ACOXL: variants seen among roughly 807,000 people sequenced by gnomAD.
The protein encoded by ACOXL is acyl-CoA oxidase like.
In ACOXL, 70 loss-of-function variants were observed where a neutral mutation model predicts 71.9. The ratio of observed to expected loss-of-function variants is 0.97; its 90% CI spans 0.80 to 1.19. ACOXL has a LOEUF of 1.19. Ranked by LOEUF, ACOXL falls within the 50% of genes most tolerant of loss-of-function variation. The pLI, the probability that ACOXL is intolerant of heterozygous loss-of-function variation, is 0.00. For missense variants in ACOXL, 703 were observed against 736.3 expected, an observed-to-expected ratio of 0.95 and a Z score of 0.52; for synonymous variants, 253 against 281.6, an observed-to-expected ratio of 0.90 and a Z score of 1.02.
chr2:110,866,576 G>T (rs575577430), intron 10 of ACOXL, among the ~76,000 whole-genome samples: 71 of 152,246 alleles, frequency 4.7e-4, no homozygotes, highest in African/African-American at 1.7e-3. Flanking sequence ...CAAAAGAGCC[G>T]CTTTGGAAGA....
At chr2:110,775,724 C>A (rs1382262132) in intron 2 of ACOXL, among the ~76,000 whole-genome samples, 5 of 151,270 alleles carry the variant, frequency 3.3e-5, no homozygotes, top group South Asian at 2.1e-4. Flanking sequence ...TGGTTATTAT[C>A]AAAAAAAACA....
chr2:111,084,739 A>G (rs893605059), intron 16 of ACOXL, among the ~76,000 whole-genome samples: 1 of 152,190 alleles, frequency 6.6e-6, no homozygotes, highest in Non-Finnish European at 1.5e-5. Flanking sequence ...TTAAATGTAA[A>G]TGGACTAAAT....
At chr2:110,900,314 A>G (rs2059184208) in intron 10 of ACOXL, among the ~76,000 whole-genome samples, 1 of 152,178 alleles carries the variant, frequency 6.6e-6, no homozygotes, top group African/African-American at 2.4e-5. Flanking sequence ...TTTTTGGGGA[A>G]AATTTAAAAT....
chr2:110,764,474 G>C (rs1231361824), intron 1 of ACOXL, among the ~76,000 whole-genome samples: 1 of 152,180 alleles, frequency 6.6e-6, no homozygotes, highest in Non-Finnish European at 1.5e-5. Flanking sequence ...AAACTATGGA[G>C]ACAGTAAAAA....
intron 1 of ACOXL, among the ~76,000 whole-genome samples, chr2:110,750,713 T>G (rs1344916269): frequency 6.6e-6 from 1 of 151,138 alleles, no homozygotes; most frequent in Non-Finnish European, 1.5e-5. Context: ...AATTTTTTTT[T>G]TGAGACAGGA....
chr2:110,818,522 T>C (rs1293940644), intron 9 of ACOXL, among the ~76,000 whole-genome samples: 1 of 6,850 alleles, frequency 1.5e-4, no homozygotes, highest in East Asian at 0.1. Context: ...TGTGTATGTG[T>C]GTATATATAT....
At chr2:110,806,816 G>A (rs567237344) in intron 9 of ACOXL, among the ~76,000 whole-genome samples, 1 of 152,310 alleles carries the variant, frequency 6.6e-6, no homozygotes, top group East Asian at 1.9e-4. Flanking sequence ...GATGTGTGAA[G>A]GACGTCCATG....
intron 12 of ACOXL, among the ~76,000 whole-genome samples, chr2:110,936,312 C>T (rs575002486): frequency 6.6e-6 from 1 of 152,232 alleles, no homozygotes; most frequent in South Asian, 2.1e-4. Context: ...GTCACCCAAG[C>T]TGAAGTGTAG....
At chr2:110,912,912 A>G (rs762119407) in intron 11 of ACOXL, among the ~76,000 whole-genome samples, 40 of 152,216 alleles carry the variant, frequency 2.6e-4, no homozygotes, top group Admixed American at 2.2e-3. Flanking sequence ...CAATTCAACA[A>G]TAAAATGACA....
At chr2:110,971,105 C>G (rs1331635264) in intron 12 of ACOXL, among the ~76,000 whole-genome samples, 1 of 151,992 alleles carries the variant, frequency 6.6e-6, no homozygotes, top group Non-Finnish European at 1.5e-5. Flanking sequence ...ATATAAAGAC[C>G]TCTCAAAACT....
At chr2:110,856,903 T>C (rs778955071) in intron 10 of ACOXL, among the ~76,000 whole-genome samples, 28 of 152,378 alleles carry the variant, frequency 1.8e-4, no homozygotes, top group Non-Finnish European at 3.5e-4. Flanking sequence ...CATTGATTTT[T>C]CTAAGACTCA....
At chr2:111,055,832 G>A (rs2066506604) in intron 16 of ACOXL, among the ~76,000 whole-genome samples, 1 of 152,208 alleles carries the variant, frequency 6.6e-6, no homozygotes, top group African/African-American at 2.4e-5. Context: ...AGGTAATAAA[G>A]AGTGGCAGAT....
intron 9 of ACOXL, among the ~76,000 whole-genome samples, chr2:110,835,729 CG>C (rs1690375145): frequency 6.6e-6 from 1 of 152,216 alleles, no homozygotes; most frequent in East Asian, 1.9e-4. Context: ...GTCAGTACCA[CG>C]CAGGTTGCTC....
intron 11 of ACOXL, among the ~76,000 whole-genome samples, chr2:110,912,691 G>A (rs769489244): frequency 6.6e-6 from 1 of 152,088 alleles, no homozygotes; most frequent in African/African-American, 2.4e-5. Flanking sequence ...CTGTAGGTTA[G>A]GCAGTGGTTT....
At chr2:110,969,121 G>C (rs1374020775) in intron 12 of ACOXL, among the ~76,000 whole-genome samples, 1 of 152,126 alleles carries the variant, frequency 6.6e-6, no homozygotes, top group Non-Finnish European at 1.5e-5. Flanking sequence ...ACATAGAAAT[G>C]AGTGAGCATG....
At chr2:110,874,815 G>T (rs923285543) in intron 10 of ACOXL, among the ~76,000 whole-genome samples, 1 of 152,118 alleles carries the variant, frequency 6.6e-6, no homozygotes, top group African/African-American at 2.4e-5. Flanking sequence ...GGATTCTTGG[G>T]CTCCATCCCG....
chr2:111,032,550 G>A (rs989826456), intron 15 of ACOXL, among the ~76,000 whole-genome samples: 1 of 152,170 alleles, frequency 6.6e-6, no homozygotes, highest in Non-Finnish European at 1.5e-5. Flanking sequence ...CCTGATCTAT[G>A]GGAAGAAGCT....
chr2:110,820,724 C>T (rs779017321), intron 9 of ACOXL, among the ~76,000 whole-genome samples: 13 of 152,034 alleles, frequency 8.6e-5, no homozygotes, highest in Non-Finnish European at 1.8e-4. Context: ...CAGTGCCAGG[C>T]AAGGTGAAGA....
intron 10 of ACOXL, among the ~76,000 whole-genome samples, chr2:110,854,332 C>A (rs1692985819): frequency 1.3e-5 from 2 of 152,152 alleles, no homozygotes; most frequent in South Asian, 2.1e-4. Flanking sequence ...CCAGGCAGAA[C>A]CTACCACATC....
Sources: gnomAD v4.1 joint callset for allele counts (sites outside exome capture counted in the v4.1 genomes callset) on GRCh38, gnomAD v4.1.1 for gene constraint, MANE v1.5 for transcripts, NCBI Gene and HGNC (gene_info 2026-07-23, HGNC 2026-07-21) for gene names.